Variants in ADARB2 observed in about 807,000 individuals in gnomAD.
ADARB2 encodes adenosine deaminase RNA specific B2 (inactive), also known as inactive double-stranded RNA-specific editase B2.
A neutral mutation model predicts 62.2 loss-of-function variants in ADARB2; 25 were observed. That is an observed-to-expected ratio of 0.40 (90% CI 0.29 to 0.56). The LOEUF is 0.56. ADARB2 is among the 20% of genes least tolerant of loss of function. The pLI is 0.43. For missense variants in ADARB2, 1,071 were observed against 1,077.4 expected, an observed-to-expected ratio of 0.99 and a Z score of 0.08; for synonymous variants, 572 against 500.8, an observed-to-expected ratio of 1.14 and a Z score of -1.90.
intron 1 of ADARB2, among the ~76,000 whole-genome samples, chr10:1,646,279 CT>C (rs1834040644): frequency 6.6e-6 from 1 of 152,222 alleles, no homozygotes; most frequent in African/African-American, 2.4e-5. Context: ...CCATGCTGGG[CT>C]TTGTCAAGCA....
rs1029886392 is a variant in ADARB2 at position 1,674,122 on chromosome 10, C to T, written c.100+62929G>A. 3.3e-5 allele frequency among the ~76,000 whole-genome samples: 5 copies of T among 152,234 alleles called. No homozygotes were observed. The South Asian group carries it at 6.2e-4, about 19-fold the overall frequency. ...GCAAGGAGGCCACTGGGAACGGCCC[C>T]GTCGGCCGGGGGCCCAGGAATCAGC... On this transcript the variant is annotated intron_variant, in intron 1 of 9. Coordinates refer to ENST00000381312, the MANE Select transcript of ADARB2 (RefSeq NM_018702.4).
chr10:1,604,439 C>T (rs1055766731), intron 1 of ADARB2, among the ~76,000 whole-genome samples: 1 of 152,248 alleles, frequency 6.6e-6, no homozygotes, highest in South Asian at 2.1e-4. Flanking sequence ...AAGATTCGAC[C>T]CAGATCCCTA....
intron 1 of ADARB2, among the ~76,000 whole-genome samples, chr10:1,476,094 C>T (rs1831396384): frequency 6.6e-6 from 1 of 151,890 alleles, no homozygotes; most frequent in Admixed American, 6.6e-5. Flanking sequence ...AAAGAGAAAG[C>T]TCTGCAGAAG....
At chr10:1,724,797 G>A (rs942273800) in intron 1 of ADARB2, among the ~76,000 whole-genome samples, 4 of 152,214 alleles carry the variant, frequency 2.6e-5, no homozygotes, top group African/African-American at 9.6e-5. Flanking sequence ...GGGGGCCACA[G>A]AACTTTAATA....
chr10:1,246,932 C>T (rs1172132618), intron 4 of ADARB2, among the ~76,000 whole-genome samples: 2 of 151,950 alleles, frequency 1.3e-5, no homozygotes, highest in Non-Finnish European at 2.9e-5. Flanking sequence ...GCAGTATGGC[C>T]ATTTTCACGA....
chr10:1,621,969 G>C (rs1432713040), intron 1 of ADARB2, among the ~76,000 whole-genome samples: 2 of 152,122 alleles, frequency 1.3e-5, no homozygotes, highest in African/African-American at 2.4e-5. Context: ...ACTTATACTA[G>C]CTGATTTCAA....
At chr10:1,529,418 G>A (rs576446737) in intron 1 of ADARB2, among the ~76,000 whole-genome samples, 1 of 152,112 alleles carries the variant, frequency 6.6e-6, no homozygotes, top group African/African-American at 2.4e-5. Context: ...ATTAGGGAAG[G>A]CGAGGACCTG....
At chr10:1,298,720 ATTTTTTTTTTTTTTTTTTTTT>A (rs75978268) in intron 3 of ADARB2, among the ~76,000 whole-genome samples, 65 of 110,770 alleles carry the variant, frequency 5.9e-4, no homozygotes, top group African/African-American at 2.1e-3. Flanking sequence ...TGCGACGGGA[ATTTTTTTTTTTTTTTTTTTTT>A]TTTTTTTTTT....
intron 5 of ADARB2, among the ~76,000 whole-genome samples, chr10:1,235,090 G>A (rs1473040368): frequency 1.3e-5 from 2 of 151,820 alleles, no homozygotes; most frequent in Non-Finnish European, 2.9e-5. Flanking sequence ...ACTGCTGTTC[G>A]CCCACATCTA....
intron 3 of ADARB2, among the ~76,000 whole-genome samples, chr10:1,297,567 T>A (rs1160782403): frequency 6.6e-6 from 1 of 152,166 alleles, no homozygotes; most frequent in Non-Finnish European, 1.5e-5. Flanking sequence ...CGAGGGTGGC[T>A]GCGTGGCATC....
At chr10:1,587,302 T>G (rs1292072718) in intron 1 of ADARB2, among the ~76,000 whole-genome samples, 1 of 152,164 alleles carries the variant, frequency 6.6e-6, no homozygotes, top group Non-Finnish European at 1.5e-5. Context: ...CGGGGGCCCT[T>G]TAGAGACCCT....
chr10:1,260,137 T>C (rs1484284235), intron 4 of ADARB2, among the ~76,000 whole-genome samples: 1 of 152,242 alleles, frequency 6.6e-6, no homozygotes, highest in Non-Finnish European at 1.5e-5. Flanking sequence ...AATTAGTTAT[T>C]GATGGGACGT....
At chr10:1,241,671 A>C (rs1270772640) in intron 5 of ADARB2, among the ~76,000 whole-genome samples, 2 of 152,186 alleles carry the variant, frequency 1.3e-5, no homozygotes, top group African/African-American at 4.8e-5. Flanking sequence ...GAATCCCAAT[A>C]CTGGGGCACA....
intron 1 of ADARB2, among the ~76,000 whole-genome samples, chr10:1,623,398 G>A (rs1833730628): frequency 2.0e-5 from 3 of 152,350 alleles, no homozygotes; most frequent in Middle Eastern, 6.8e-3. Flanking sequence ...GCAAACTACA[G>A]TAGTTTCTAC....
intron 1 of ADARB2, among the ~76,000 whole-genome samples, chr10:1,613,056 G>GT (rs1178545983): frequency 2.0e-5 from 3 of 152,194 alleles, no homozygotes; most frequent in African/African-American, 7.2e-5. Flanking sequence ...TCTAGTGGGC[G>GT]TAACAGAGCT....
intron 1 of ADARB2, among the ~76,000 whole-genome samples, chr10:1,695,620 TGA>T (rs5782591): frequency 0.49 from 74,077 of 151,730 alleles, 19,401 homozygotes; most frequent in South Asian, 0.7. Flanking sequence ...TGCATGTTTG[TGA>T]GAGTGTGTGC....
chr10:1,538,631 G>A (rs545001348), intron 1 of ADARB2, among the ~76,000 whole-genome samples: 2 of 152,224 alleles, frequency 1.3e-5, no homozygotes, highest in East Asian at 1.9e-4. Context: ...CGTGGTGGAC[G>A]GGGAGCGTTC....
chr10:1,256,763 A>G (rs555429997), intron 4 of ADARB2, among the ~76,000 whole-genome samples: 33 of 152,338 alleles, frequency 2.2e-4, no homozygotes, highest in African/African-American at 7.5e-4. Context: ...GTAGAATGAC[A>G]ACAAACGCTT....
At chr10:1,619,877 A>G (rs553548097) in intron 1 of ADARB2, among the ~76,000 whole-genome samples, 36 of 152,374 alleles carry the variant, frequency 2.4e-4, no homozygotes, top group Admixed American at 2.1e-3. Flanking sequence ...AAAGTAAATC[A>G]GAATTGAACA....
Sources: allele counts gnomAD v4.1 joint callset (sites outside exome capture counted in the v4.1 genomes callset), GRCh38; gene constraint gnomAD v4.1.1; transcripts MANE v1.5; gene names NCBI Gene and HGNC (gene_info 2026-07-23, HGNC 2026-07-21).